The following MAGED1 variants were observed in gnomAD, a reference collection of about 807,000 sequenced individuals.
MAGED1 encodes the protein melanoma-associated antigen D1.
A neutral mutation model predicts 54.1 loss-of-function variants in MAGED1; 3 were observed. That is an observed-to-expected ratio of 0.06 (90% CI 0.03 to 0.14). The LOEUF is 0.14. Ranked by LOEUF, MAGED1 falls within the 10% of genes least tolerant of loss-of-function variation. The pLI is 1.00. For synonymous variants in MAGED1, 217 were observed against 227.3 expected (o/e 0.95, Z 0.41); for missense variants, 485 against 623.4 (o/e 0.78, Z 2.36).
At chrX:51,880,104 G>T (rs1176958497) in intron 1 of MAGED1, among the ~76,000 whole-genome samples, 2 of 112,220 alleles carry the variant, frequency 1.8e-5, no homozygotes, top group Non-Finnish European at 3.8e-5. Context: ...CTCAGCTCAG[G>T]GTATTTACAG....
At chrX:51,824,924 G>A (rs1223823195) in intron 1 of MAGED1, among the ~76,000 whole-genome samples, 1 of 103,816 alleles carries the variant, frequency 9.6e-6, no homozygotes, top group African/African-American at 3.6e-5. Flanking sequence ...CCTCAGACTG[G>A]ATGATCTGAA....
At chrX:51,839,277 T>G (rs1262377574) in intron 1 of MAGED1, among the ~76,000 whole-genome samples, 1 of 112,109 alleles carries the variant, frequency 8.9e-6, no homozygotes, top group Non-Finnish European at 1.9e-5. Flanking sequence ...TTTCTTTTTA[T>G]TCTCCACATA....
chrX:51,844,013 G>A (rs912882268), intron 1 of MAGED1, among the ~76,000 whole-genome samples: 2 of 111,890 alleles, frequency 1.8e-5, no homozygotes, highest in Admixed American at 9.5e-5. Context: ...GTATCAGCTT[G>A]TTAAAAATAC....
chrX:51,835,369 A>G (rs782022018), intron 1 of MAGED1, among the ~76,000 whole-genome samples: 1 of 110,953 alleles, frequency 9.0e-6, no homozygotes, highest in African/African-American at 3.3e-5. Context: ...TAATTTATTG[A>G]ATACTGTGCT....
chrX:51,881,420 T>C (rs1762801274), intron 1 of MAGED1, among the ~76,000 whole-genome samples: 1 of 94,323 alleles, frequency 1.1e-5, no homozygotes, highest in African/African-American at 3.6e-5. Context: ...TCTTTTCTTT[T>C]CTTTTTTTTT....
chrX:51,855,039 C>G (rs1246743868), intron 1 of MAGED1, among the ~76,000 whole-genome samples: 1 of 112,069 alleles, frequency 8.9e-6, no homozygotes, highest in African/African-American at 3.2e-5. Context: ...CCTCATATCA[C>G]TTTGTTTCTT....
intron 1 of MAGED1, among the ~76,000 whole-genome samples, chrX:51,870,397 GT>G (rs1265616243): frequency 9.0e-6 from 1 of 111,431 alleles, no homozygotes; most frequent in Admixed American, 9.5e-5. Flanking sequence ...ATAATGTGAA[GT>G]TTTTTTTGTT....
Position 51,853,039 on chromosome X carries a change from G to A in MAGED1, c.-36-41230G>A, listed in dbSNP as rs1342817290. On this transcript the variant is annotated intron_variant, in intron 1 of 12. Coordinates refer to the MAGED1 transcript ENST00000375772. ...TCTTACCTTCTTTTTTGTACTTTCC[G>A]CCCTTTTGTATCTTCCTGCTGAGCT... is the stretch of plus-strand genomic sequence containing the variant. Among the ~76,000 whole-genome samples the A allele has an allele frequency of 3.6e-5, 4 of 110,940 alleles. 1 individual carries two copies. The highest frequency in any genetic ancestry group is 5.7e-4 in the East Asian group (2 of 3,534).
chrX:51,865,366 T>A (rs1927424743), intron 1 of MAGED1, among the ~76,000 whole-genome samples: 1 of 111,872 alleles, frequency 8.9e-6, no homozygotes, highest in Admixed American at 9.5e-5. Flanking sequence ...ATTAGATGAG[T>A]TGATTAAATT....
intron 1 of MAGED1, among the ~76,000 whole-genome samples, chrX:51,828,335 A>G (rs781813205): frequency 2.7e-5 from 3 of 111,724 alleles, no homozygotes; most frequent in Non-Finnish European, 5.6e-5. Flanking sequence ...CATTTCATAC[A>G]TTGTAGTGTT....
intron 1 of MAGED1, among the ~76,000 whole-genome samples, chrX:51,803,647 T>TG (rs1284327727): frequency 9.6e-6 from 1 of 103,712 alleles, no homozygotes; most frequent in East Asian, 2.9e-4. Context: ...TTTTTTTTTT[T>TG]GGTTCTTTTA....
At chrX:51,889,090 G>A (rs1407502306), upstream of MAGED1, among the ~76,000 whole-genome samples, 4 of 110,647 alleles carry the variant, frequency 3.6e-5, no homozygotes, top group Non-Finnish European at 5.7e-5. Flanking sequence ...ATGTGATAAG[G>A]TGATATAGAA....
At chrX:51,817,890 T>C (rs1381659109) in intron 1 of MAGED1, among the ~76,000 whole-genome samples, 1 of 112,124 alleles carries the variant, frequency 8.9e-6, no homozygotes, top group East Asian at 2.8e-4. Context: ...CACAACTTCT[T>C]TTAGGTTCAT....
At position 51,894,332 on chromosome X, in the gene MAGED1, G is replaced by A. The variant is rs1557363870; in HGVS notation, c.28G>A (p.Gly10Ser). ...GGCTCAGAAAATGGACTGTGGTGCG[G>A]GCCTCCTCGGCTTCCAGGTGAGATC... MAQKMDCGA[G>S]LLGFQAEASV... Residue 10 changes from glycine to serine, a missense_variant, in exon 2 of 13, where the codon GGC (glycine) becomes AGC (serine). By Grantham distance (56) the Gly-to-Ser change is moderately conservative. This residue lies in a region of MAGED1 where 299 missense variants were observed against 293.1 expected (regional missense o/e 1.02). Coordinates refer to ENST00000326587, the MANE Select transcript of MAGED1 (RefSeq NM_006986.4). The A allele has an allele frequency of 8.3e-7, 1 of 1,201,430 alleles. No individual in the cohort carries two copies. The highest frequency in any genetic ancestry group is 2.2e-5 in the Admixed American group (1 of 45,418).
chrX:51,812,644 T>C (rs1363009420), intron 1 of MAGED1, among the ~76,000 whole-genome samples: 3 of 112,260 alleles, frequency 2.7e-5, no homozygotes, highest in Non-Finnish European at 5.6e-5. Flanking sequence ...CCACCTTTTA[T>C]GTATTCATTC....
chrX:51,830,984 C>T (rs1417412033), intron 1 of MAGED1, among the ~76,000 whole-genome samples: 1 of 111,617 alleles, frequency 9.0e-6, no homozygotes, highest in Non-Finnish European at 1.9e-5. Flanking sequence ...GCCTCAGCTT[C>T]CCAAGTAGCC....
intron 1 of MAGED1, among the ~76,000 whole-genome samples, chrX:51,816,215 G>T (rs1925416129): frequency 9.1e-6 from 1 of 110,162 alleles, no homozygotes; most frequent in African/African-American, 3.3e-5. Flanking sequence ...CCAGGTTCAA[G>T]TGATTTCTCC....
At chrX:51,838,908 G>T (rs1926353950) in intron 1 of MAGED1, among the ~76,000 whole-genome samples, 1 of 110,574 alleles carries the variant, frequency 9.0e-6, no homozygotes, top group African/African-American at 3.3e-5. Flanking sequence ...TCTGACTATG[G>T]AATAGTGTTT....
chrX:51,854,861 C>A (rs1927030794), intron 1 of MAGED1, among the ~76,000 whole-genome samples: 1 of 111,446 alleles, frequency 9.0e-6, no homozygotes, highest in Non-Finnish European at 1.9e-5. Context: ...GCATCATCTT[C>A]TTCAGTCTCC....
Sources: allele counts gnomAD v4.1 joint callset (sites outside exome capture counted in the v4.1 genomes callset), GRCh38; gene constraint gnomAD v4.1.1; regional missense constraint gnomAD v4.1.1; transcripts MANE v1.5; gene names NCBI Gene and HGNC (gene_info 2026-07-23, HGNC 2026-07-21).